The following TSPAN13 variants were observed in gnomAD, a reference collection of about 807,000 sequenced individuals.
TSPAN13 encodes tetraspanin-13.
In TSPAN13, 18 loss-of-function variants were observed where a neutral mutation model predicts 26.9. That is an observed-to-expected ratio of 0.67 (90% CI 0.46 to 0.99). The LOEUF (loss-of-function observed/expected upper bound fraction) is 0.99, where lower values mean the gene tolerates loss of function less well. Ranked by LOEUF, TSPAN13 falls within the 50% of genes least tolerant of loss-of-function variation. TSPAN13 has a pLI of 0.00. For synonymous variants in TSPAN13, 116 were observed against 98.4 expected, an observed-to-expected ratio of 1.18 and a Z score of -1.06; for missense variants, 201 against 249.6, an observed-to-expected ratio of 0.81 and a Z score of 1.31.
intron 1 of TSPAN13, among the ~76,000 whole-genome samples, chr7:16,762,013 A>C (rs929148732): frequency 1.3e-5 from 2 of 152,126 alleles, no homozygotes; most frequent in African/African-American, 2.4e-5. Flanking sequence ...TCTTTTTGAA[A>C]TGTTTTAAAT....
intron 1 of TSPAN13, among the ~76,000 whole-genome samples, chr7:16,763,805 G>T (rs1264102748): frequency 6.6e-6 from 1 of 152,082 alleles, no homozygotes; most frequent in African/African-American, 2.4e-5. Context: ...GGGTCGTACT[G>T]GAAGTATATG....
chr7:16,766,606 T>C (rs980841702), intron 1 of TSPAN13, among the ~76,000 whole-genome samples: 1 of 152,182 alleles, frequency 6.6e-6, no homozygotes. Context: ...CTTTCCTAAA[T>C]TGGAACAAAT....
intron 1 of TSPAN13, among the ~76,000 whole-genome samples, chr7:16,771,027 T>C (rs562968452): frequency 7.9e-5 from 12 of 152,360 alleles, no homozygotes; most frequent in Admixed American, 3.9e-4. Flanking sequence ...ATCCCAGTTA[T>C]GCAAGGGTCT....
At chr7:16,758,881 CTAATGTAAGTTTGAGA>C (rs1784512114) in intron 1 of TSPAN13, among the ~76,000 whole-genome samples, 3 of 151,734 alleles carry the variant, frequency 2.0e-5, no homozygotes, top group African/African-American at 7.3e-5. Flanking sequence ...ATTTGTGAGT[CTAATGTAAGTTTGAGA>C]TGTGCCCAAG....
chr7:16,765,777 G>GAAAGA (rs1784597977), intron 1 of TSPAN13, among the ~76,000 whole-genome samples: 1 of 152,192 alleles, frequency 6.6e-6, no homozygotes, highest in Admixed American at 6.5e-5. Context: ...TGTCATAGGT[G>GAAAGA]TACATTTACT....
chr7:16,768,872 A>T (rs184646400), intron 1 of TSPAN13, among the ~76,000 whole-genome samples: 2 of 151,986 alleles, frequency 1.3e-5, no homozygotes, highest in Non-Finnish European at 2.9e-5. Context: ...GGTATTTGTC[A>T]TATCTCTTAT....
Position 16,777,811 on chromosome 7 carries a change from A to C in TSPAN13, c.326A>C (p.Glu109Ala). 1 of 1,613,340 alleles carries C rather than the reference A, an allele frequency of 6.2e-7. No individual in the cohort carries two copies. Among genetic ancestry groups the C allele is most frequent in the Non-Finnish European group, 8.5e-7 (1 of 1,179,564 alleles). The change falls in exon 4 of 6, where the codon GAG (glutamate) becomes GCG (alanine). Residue 109 changes from glutamate (E) to alanine (A), a missense_variant. Physicochemically the swap from Glu to Ala is moderately radical, Grantham distance 107 (BLOSUM62 -1). Coordinates refer to ENST00000262067, the MANE Select transcript of TSPAN13 (RefSeq NM_014399.4). Reference protein sequence around the residue: ...LNQEQQGQLLEVGWNNTASAR... With the variant: ...LNQEQQGQLLAVGWNNTASAR... ...CACATTTACTAGGGTCAGCTTCTGG[A>C]GGTTGGTTGGAACAATACGGCAAGT...
Position 16,776,239 on chromosome 7 carries a change from C to G in TSPAN13, c.92C>G (p.Ala31Gly). The change falls in exon 2 of 6, where the codon GCT becomes GGT. Residue 31 changes from alanine to glycine, a missense_variant. Ala to Gly is a moderately conservative substitution (Grantham distance 60). Coordinates refer to ENST00000262067, the MANE Select transcript of TSPAN13 (RefSeq NM_014399.4). ...GTTAGTCTGCTGCTAATTGGAATTG[C>G]TGCGTGGGGCATTGGCTTCGGGCTG... is the stretch of plus-strand genomic sequence containing the variant. ...TLVSLLLIGI[A>G]AWGIGFGLIS... is the part of the protein sequence containing the mutation. The G allele has an allele frequency of 5.6e-6, 9 of 1,613,990 alleles. No individual in the cohort carries two copies. Among genetic ancestry groups the G allele is most frequent in the Non-Finnish European group, 6.8e-6 (8 of 1,179,966 alleles).
rs934100301 is a variant in TSPAN13 at position 16,777,084 on chromosome 7, G to A, written c.274G>A (p.Val92Ile). ...ACTTGTATTTATTGTTCAGTTTTCTGTATCTTGCGCTTGTTTAGCCCTGAA... is the reference window on the plus strand; with the variant it reads ...ACTTGTATTTATTGTTCAGTTTTCTATATCTTGCGCTTGTTTAGCCCTGAA... ...LLLVFIVQFSVSCACLALNQE... is the reference protein window; with the variant it reads ...LLLVFIVQFSISCACLALNQE... The change falls in exon 3 of 6, where the codon GTA becomes ATA. Residue 92 changes from valine to isoleucine, a missense_variant. Physicochemically the swap from Val to Ile is conservative, Grantham distance 29 (BLOSUM62 3). Coordinates refer to ENST00000262067, the MANE Select transcript of TSPAN13 (RefSeq NM_014399.4). 15 of 1,613,318 alleles carry A rather than the reference G, an allele frequency of 9.3e-6. No individual in the cohort carries two copies. The highest frequency in any genetic ancestry group is 1.2e-5 in the Non-Finnish European group (14 of 1,179,682).
At chr7:16,779,992 G>C (rs1311135328) in intron 5 of TSPAN13, among the ~76,000 whole-genome samples, 2 of 151,946 alleles carry the variant, frequency 1.3e-5, no homozygotes, top group South Asian at 2.1e-4. Flanking sequence ...AGGACGGTCT[G>C]GATCTCCTGA....
intron 5 of TSPAN13, among the ~76,000 whole-genome samples, chr7:16,781,084 A>T (rs1356730643): frequency 6.6e-6 from 1 of 152,192 alleles, no homozygotes; most frequent in East Asian, 1.9e-4. Flanking sequence ...ACTATTTATT[A>T]TACCTTTAAA....
intron 1 of TSPAN13, among the ~76,000 whole-genome samples, chr7:16,766,857 T>G (rs1784608854): frequency 6.6e-6 from 1 of 152,208 alleles, no homozygotes; most frequent in South Asian, 2.1e-4. Flanking sequence ...TTAGGAAATT[T>G]CATATGCTCA....
At chr7:16,755,644 A>G (rs1367264442) in intron 1 of TSPAN13, among the ~76,000 whole-genome samples, 1 of 148,650 alleles carries the variant, frequency 6.7e-6, no homozygotes, top group African/African-American at 2.5e-5. Flanking sequence ...TGATTTAGTC[A>G]TCTGTTTGCC....
At chr7:16,758,677 G>T (rs2115320849) in intron 1 of TSPAN13, among the ~76,000 whole-genome samples, 1 of 152,080 alleles carries the variant, frequency 6.6e-6, no homozygotes, top group South Asian at 2.1e-4. Context: ...TTGGCATTAG[G>T]TTAAAAAGTA....
chr7:16,764,985 C>A (rs1475288134), intron 1 of TSPAN13, among the ~76,000 whole-genome samples: 1 of 151,490 alleles, frequency 6.6e-6, no homozygotes, highest in Non-Finnish European at 1.5e-5. Context: ...GGTCTCCAAA[C>A]TCCTGGGCTC....
At chr7:16,776,719 C>G (rs1435133296) in intron 2 of TSPAN13, among the ~76,000 whole-genome samples, 1 of 151,842 alleles carries the variant, frequency 6.6e-6, no homozygotes, top group Non-Finnish European at 1.5e-5. Context: ...TTTTTTTAGA[C>G]TTAATATTAA....
At chr7:16,762,051 C>T (rs1047594877) in intron 1 of TSPAN13, among the ~76,000 whole-genome samples, 2 of 151,978 alleles carry the variant, frequency 1.3e-5, no homozygotes, top group Non-Finnish European at 2.9e-5. Context: ...AATTCACTTA[C>T]CTTGGAAGAA....
At chr7:16,773,938 A>G (rs1177687613) in intron 1 of TSPAN13, among the ~76,000 whole-genome samples, 1 of 152,196 alleles carries the variant, frequency 6.6e-6, no homozygotes, top group Non-Finnish European at 1.5e-5. Context: ...GGTTGATTTT[A>G]TATGTGAACT....
In TSPAN13 at chr7:16,776,362, AG is replaced by A; in HGVS notation, c.217del (p.Val73CysfsTer7). ...CTGATTGGAGCTGTAAAACATCATCAGGTGTTGCTATTTTTTGTATCCTTTT... is the reference window on the plus strand; with the variant it reads ...CTGATTGGAGCTGTAAAACATCATCAGTGTTGCTATTTTTTGTATCCTTTT... ...VGLIGAVKHH[Q>X]VLLFFYMIIL... On this transcript the variant is annotated frameshift_variant, in exon 2 of 6. Transcript: ENST00000262067. LOFTEE classifies it high-confidence loss of function. 1 of 1,612,862 alleles carries A rather than the reference AG, an allele frequency of 6.2e-7. No homozygotes were observed. The highest frequency in any genetic ancestry group is 8.5e-7 in the Non-Finnish European group (1 of 1,179,492).
Sources: allele counts gnomAD v4.1 joint callset (sites outside exome capture counted in the v4.1 genomes callset), GRCh38; gene constraint gnomAD v4.1.1; transcripts MANE v1.5; gene names NCBI Gene and HGNC (gene_info 2026-07-23, HGNC 2026-07-21).